EPHA5: variants seen among roughly 807,000 people sequenced by gnomAD.
The protein encoded by EPHA5 is ephrin type-A receptor 5.
In EPHA5, 60 loss-of-function variants were observed where a neutral mutation model predicts 105.0. The ratio of observed to expected loss-of-function variants is 0.57; its 90% confidence interval spans 0.46 to 0.71. The LOEUF (loss-of-function observed/expected upper bound fraction) is 0.71, where lower values mean the gene tolerates loss of function less well. EPHA5 is among the 30% of genes least tolerant of loss of function. The pLI, the probability that EPHA5 is intolerant of heterozygous loss-of-function variation, is 0.00. For missense variants in EPHA5, 1,218 were observed against 1,274.7 expected (o/e 0.96, Z 0.68); for synonymous variants, 513 against 449.1 (o/e 1.14, Z -1.80).
At chr4:65,501,169 A>G (rs1229059963) in intron 3 of EPHA5, among the ~76,000 whole-genome samples, 1 of 151,528 alleles carries the variant, frequency 6.6e-6, no homozygotes, top group Non-Finnish European at 1.5e-5. Flanking sequence ...AACATGTCAT[A>G]TTTTATATAG....
At chr4:65,478,446 C>T (rs898136308) in intron 5 of EPHA5, among the ~76,000 whole-genome samples, 1 of 151,914 alleles carries the variant, frequency 6.6e-6, no homozygotes, top group Non-Finnish European at 1.5e-5. Flanking sequence ...ATATATTTCC[C>T]TCCATTTGCT....
chr4:65,587,714 C>A (rs1001702604), intron 3 of EPHA5, among the ~76,000 whole-genome samples: 1 of 152,172 alleles, frequency 6.6e-6, no homozygotes, highest in Non-Finnish European at 1.5e-5. Context: ...GACATTCTTA[C>A]GCATTCTTTG....
chr4:65,442,582 G>T (rs749805626), intron 5 of EPHA5, among the ~76,000 whole-genome samples: 7 of 152,168 alleles, frequency 4.6e-5, no homozygotes, highest in Non-Finnish European at 8.8e-5. Context: ...GTACTTGTAT[G>T]TGTGTAGAAA....
intron 1 of EPHA5, among the ~76,000 whole-genome samples, chr4:65,654,699 A>T (rs1035958053): frequency 1.1e-4 from 16 of 147,412 alleles, no homozygotes; most frequent in Non-Finnish European, 1.0e-4. Flanking sequence ...ATACATAAAT[A>T]TATAAATGTA....
Sources: gnomAD v4.1 joint callset for allele counts (sites outside exome capture counted in the v4.1 genomes callset) on GRCh38, gnomAD v4.1.1 for gene constraint, MANE v1.5 for transcripts, NCBI Gene and HGNC (gene_info 2026-07-23, HGNC 2026-07-21) for gene names.